The following SYT16 variants were observed in gnomAD, a reference collection of about 807,000 sequenced individuals.
The protein encoded by SYT16 is synaptotagmin 16, also known as synaptotagmin-16.
SYT16 carries 42 observed loss-of-function variants against 61.4 expected under a neutral mutation model. The observed-to-expected ratio is 0.68, with a 90% CI of 0.53 to 0.89. The LOEUF is 0.89. SYT16 is among the 40% of genes least tolerant of loss of function. SYT16 has a pLI of 0.00. For missense variants in SYT16, 804 were observed against 807.3 expected, an observed-to-expected ratio of 1.00 and a Z score of 0.05; for synonymous variants, 314 against 302.3, an observed-to-expected ratio of 1.04 and a Z score of -0.40.
intron 1 of SYT16, among the ~76,000 whole-genome samples, chr14:61,961,053 C>T (rs924199831): frequency 6.6e-6 from 1 of 152,162 alleles, no homozygotes; most frequent in Non-Finnish European, 1.5e-5. Context: ...GCTGGGATAA[C>T]TGGCTAGCCA....
intron 3 of SYT16, among the ~76,000 whole-genome samples, chr14:62,035,450 A>G (rs1308326595): frequency 6.6e-6 from 1 of 152,206 alleles, no homozygotes; most frequent in Non-Finnish European, 1.5e-5. Context: ...GAACATGAAG[A>G]TAAAGGTTGG....
Position 62,081,029 on chromosome 14 carries a change from G to A in SYT16, c.1189G>A (p.Gly397Ser), listed in dbSNP as rs1476136541. 6 of 1,613,432 alleles carry A rather than the reference G, an allele frequency of 3.7e-6. No individual in the cohort carries two copies. The highest frequency in any genetic ancestry group is 1.1e-5 in the South Asian group (1 of 90,922). ...SWQVHVVLLP[G>S]KKHRGRTNIQ... ...GCAAGTTCATGTAGTGCTGCTGCCTGGTAAGAAACACAGGGGCAGGACGAA... is the reference window on the plus strand; with the variant it reads ...GCAAGTTCATGTAGTGCTGCTGCCTAGTAAGAAACACAGGGGCAGGACGAA... The change falls in exon 6 of 8, where the codon GGT becomes AGT. Residue 397 changes from glycine (G) to serine (S), a missense_variant. Gly to Ser is a moderately conservative substitution (Grantham distance 56). Transcript: ENST00000683842.
At chr14:61,885,374 G>A (rs990757990) in intron 1 of SYT16, among the ~76,000 whole-genome samples, 2 of 143,350 alleles carry the variant, frequency 1.4e-5, no homozygotes, top group African/African-American at 2.6e-5. Flanking sequence ...AAAGTGCATG[G>A]CAGATATGAT....
At chr14:61,872,204 C>T (rs980730788) in intron 1 of SYT16, among the ~76,000 whole-genome samples, 1 of 151,906 alleles carries the variant, frequency 6.6e-6, no homozygotes, top group Admixed American at 6.6e-5. Context: ...ATAAACTCTT[C>T]CCTTATTTTT....
rs757407684 is a variant in SYT16, at chr14:61,996,398, G to A, written c.379G>A (p.Ala127Thr). 1 of 1,613,534 alleles carries A rather than the reference G, an allele frequency of 6.2e-7. No individual in the cohort carries two copies. Among genetic ancestry groups the A allele is most frequent in the South Asian group, 1.1e-5 (1 of 91,072 alleles). The change falls in exon 3 of 8, where the codon GCC (alanine) becomes ACC (threonine). Residue 127 changes from alanine (A) to threonine (T), a missense_variant. Transcript: ENST00000683842. The part of the protein sequence containing the change: ...CSTMSQWPNW[A>T]SDDRKLPHVL... ...CACAATGTCCCAGTGGCCCAATTGG[G>A]CCAGTGATGACCGCAAGTTACCACA...
At chr14:61,852,631 C>T (rs1031658647) in intron 1 of SYT16, among the ~76,000 whole-genome samples, 13 of 152,096 alleles carry the variant, frequency 8.5e-5, no homozygotes, top group African/African-American at 2.7e-4. Context: ...AGAGGTTCTT[C>T]GCTTCCCTTG....
intron 1 of SYT16, among the ~76,000 whole-genome samples, chr14:61,841,488 T>C (rs2140252919): frequency 6.6e-6 from 1 of 152,306 alleles, no homozygotes; most frequent in African/African-American, 2.4e-5. Context: ...TAAAAAATAA[T>C]AGCTAAGTCT....
intron 1 of SYT16, among the ~76,000 whole-genome samples, chr14:61,890,370 G>C (rs1174272901): frequency 6.6e-6 from 1 of 152,098 alleles, no homozygotes; most frequent in African/African-American, 2.4e-5. Flanking sequence ...TCATTTCACA[G>C]GTTAGTGAGA....
chr14:61,856,378 T>A (rs1049257862), intron 1 of SYT16, among the ~76,000 whole-genome samples: 1 of 152,288 alleles, frequency 6.6e-6, no homozygotes, highest in African/African-American at 2.4e-5. Flanking sequence ...TTTGGAGATA[T>A]ACACACACTT....
chr14:61,885,124 T>C (rs1031290383), intron 1 of SYT16, among the ~76,000 whole-genome samples: 9 of 152,200 alleles, frequency 5.9e-5, no homozygotes, highest in Admixed American at 2.0e-4. Flanking sequence ...ATCTGTCTAA[T>C]ACTGTGTAAA....
Position 61,962,374 on chromosome 14 carries a change from A to G in SYT16, c.-324-7758A>G, listed in dbSNP as rs2051150462. Among the ~76,000 whole-genome samples the G allele has an allele frequency of 3.3e-5, 5 of 152,184 alleles. No individual in the cohort carries two copies. In the South Asian group the frequency reaches 1.0e-3, roughly 32 times the overall value. Reference sequence around the variant, plus strand: ...TGTCCTGCAAGGTTTCTGCTGGGAAATTATCTGATAGTCTGTTTGGGCGTC... The same window carrying G: ...TGTCCTGCAAGGTTTCTGCTGGGAAGTTATCTGATAGTCTGTTTGGGCGTC... On this transcript the variant is annotated intron_variant, in intron 1 of 7. Transcript: ENST00000683842.
intron 2 of SYT16, among the ~76,000 whole-genome samples, chr14:61,989,377 A>T (rs576739980): frequency 6.6e-6 from 1 of 152,300 alleles, no homozygotes; most frequent in Admixed American, 6.5e-5. Context: ...AGCCTGGCCA[A>T]CATGGCGAAA....
intron 3 of SYT16, among the ~76,000 whole-genome samples, chr14:62,060,145 G>A (rs1029798861): frequency 9.9e-5 from 15 of 152,098 alleles, no homozygotes; most frequent in African/African-American, 3.4e-4. Context: ...TGTCAAACTT[G>A]ACAAAAAATA....
At chr14:61,843,004 C>A (rs959370452) in intron 1 of SYT16, among the ~76,000 whole-genome samples, 19 of 152,048 alleles carry the variant, frequency 1.2e-4, no homozygotes, top group African/African-American at 4.3e-4. Context: ...TAGGTTGCTT[C>A]CAAATTGTGG....
chr14:61,890,744 C>G (rs1005580177), intron 1 of SYT16, among the ~76,000 whole-genome samples: 5 of 152,048 alleles, frequency 3.3e-5, no homozygotes, highest in Non-Finnish European at 7.4e-5. Context: ...TAAGGAAAAC[C>G]AAGCCTCTGG....
chr14:62,090,814 A>T (rs2057045307), intron 7 of SYT16, among the ~76,000 whole-genome samples: 1 of 152,208 alleles, frequency 6.6e-6, no homozygotes, highest in African/African-American at 2.4e-5. Context: ...TAGTGGACTC[A>T]CAGTTCCACG....
At chr14:62,034,560 T>C (rs898542150) in intron 3 of SYT16, among the ~76,000 whole-genome samples, 1 of 152,164 alleles carries the variant, frequency 6.6e-6, no homozygotes, top group African/African-American at 2.4e-5. Context: ...ACAACATGGG[T>C]GAAGCTTGGC....
rs574146649 is a variant in SYT16 at position 62,024,360 on chromosome 14, C to T, written c.523+27818C>T. 8.6e-5 allele frequency among the ~76,000 whole-genome samples: 13 copies of T among 152,022 alleles called. No individual in the cohort carries two copies. The South Asian group carries it at 2.5e-3, about 29-fold the overall frequency. On this transcript the variant is annotated intron_variant, in intron 3 of 7. Coordinates refer to ENST00000683842, the MANE Select transcript of SYT16 (RefSeq NM_001367656.1). ...TATTGGCTGCAGAGGAGCAAAATTG[C>T]GAGGTGGGACAAAGGATTGCTATTT... is the stretch of plus-strand genomic sequence containing the variant.
chr14:61,828,097 G>C (rs1232980787), intron 1 of SYT16, among the ~76,000 whole-genome samples: 1 of 152,190 alleles, frequency 6.6e-6, no homozygotes, highest in African/African-American at 2.4e-5. Context: ...AGGATCATGT[G>C]AAGACACAGG....
Sources: allele counts gnomAD v4.1 joint callset (sites outside exome capture counted in the v4.1 genomes callset), GRCh38; gene constraint gnomAD v4.1.1; transcripts MANE v1.5; gene names NCBI Gene and HGNC (gene_info 2026-07-23, HGNC 2026-07-21).